CHRM5: variants seen among roughly 807,000 people sequenced by gnomAD.
The protein encoded by CHRM5 is muscarinic acetylcholine receptor M5.
A neutral mutation model predicts 39.0 loss-of-function variants in CHRM5; 18 were observed. That is an observed-to-expected ratio of 0.46 (90% CI 0.32 to 0.68). The LOEUF is 0.68. CHRM5 is among the 30% of genes least tolerant of loss of function. CHRM5 has a pLI of 0.04. For missense variants in CHRM5, 515 were observed against 651.1 expected (o/e 0.79, Z 2.28); for synonymous variants, 241 against 246.3 (o/e 0.98, Z 0.20).
chr15:34,005,056 A>G (rs956107145), intron 1 of CHRM5, among the ~76,000 whole-genome samples: 5 of 152,136 alleles, frequency 3.3e-5, no homozygotes, highest in African/African-American at 1.2e-4. Flanking sequence ...CAAAACTAAA[A>G]TATATAAAAA....
intron 1 of CHRM5, among the ~76,000 whole-genome samples, chr15:34,033,384 T>C (rs1898954239): frequency 6.6e-6 from 1 of 151,910 alleles, no homozygotes; most frequent in South Asian, 2.1e-4. Context: ...TGTGCACCTG[T>C]AGTCCCAGCT....
chr15:34,019,891 TG>T (rs1236282554), intron 1 of CHRM5, among the ~76,000 whole-genome samples: 4 of 152,232 alleles, frequency 2.6e-5, no homozygotes, highest in Admixed American at 6.5e-5. Context: ...GACTATTTAT[TG>T]TAGCAAAACT....
At position 34,063,982 on chromosome 15, in the gene CHRM5, C is replaced by T. The variant is rs1346655192; in HGVS notation, c.1265C>T (p.Pro422Leu). Residue 422 changes from proline (P) to leucine (L), a missense_variant, in exon 3 of 3, where the codon CCC (proline) becomes CTC (leucine). Pro to Leu is a moderately conservative substitution (Grantham distance 98). Coordinates refer to ENST00000383263, the MANE Select transcript of CHRM5 (RefSeq NM_012125.4). The surrounding 1 kb of genome is among the most constrained non-coding windows in gnomAD (Gnocchi z 4.1). Reference sequence around the variant, plus strand: ...TCAACGAAAGGCCTCAATCCCAACCCCAGCCATCAAATGACCAAACGAAAG... The same window carrying T: ...TCAACGAAAGGCCTCAATCCCAACCTCAGCCATCAAATGACCAAACGAAAG... ...EPSTKGLNPNPSHQMTKRKRV... is the reference protein window; with the variant it reads ...EPSTKGLNPNLSHQMTKRKRV... The T allele has an allele frequency of 6.2e-7, 1 of 1,614,060 alleles. No homozygotes were observed. The highest frequency in any genetic ancestry group is 1.3e-5 in the African/African-American group (1 of 74,940).
intron 1 of CHRM5, among the ~76,000 whole-genome samples, chr15:34,037,619 TTC>T (rs1689324855): frequency 6.6e-6 from 1 of 150,838 alleles, no homozygotes; most frequent in African/African-American, 2.4e-5. Context: ...TGGTCTTAGT[TTC>T]TGTCATTTAC....
intron 1 of CHRM5, among the ~76,000 whole-genome samples, chr15:34,046,034 G>C (rs2140814465): frequency 6.6e-6 from 1 of 152,274 alleles, no homozygotes. Context: ...AATGGGAACT[G>C]TTAAAGTTTG....
intron 1 of CHRM5, among the ~76,000 whole-genome samples, chr15:34,045,035 G>A (rs767670866): frequency 3.3e-5 from 5 of 152,180 alleles, no homozygotes; most frequent in South Asian, 2.1e-4. Flanking sequence ...GCGACAGAGC[G>A]AGACTCTGTC....
chr15:34,042,396 G>GTTT (rs35456951), intron 1 of CHRM5, among the ~76,000 whole-genome samples: 14 of 130,376 alleles, frequency 1.1e-4, no homozygotes, highest in South Asian at 2.4e-4. Flanking sequence ...CATGACCTAA[G>GTTT]TTTTTTTTTT....
At chr15:34,007,789 T>C (rs1172833202) in intron 1 of CHRM5, among the ~76,000 whole-genome samples, 2 of 152,178 alleles carry the variant, frequency 1.3e-5, no homozygotes, top group Non-Finnish European at 2.9e-5. Flanking sequence ...TGGGTATTGG[T>C]AGGGTTGGCT....
At chr15:33,994,087 AG>A (rs1896837999) in intron 1 of CHRM5, among the ~76,000 whole-genome samples, 1 of 152,248 alleles carries the variant, frequency 6.6e-6, no homozygotes, top group Non-Finnish European at 1.5e-5. Context: ...ACCATGGATC[AG>A]TACCGGTCTG....
intron 1 of CHRM5, among the ~76,000 whole-genome samples, chr15:33,981,027 C>G (rs1597304520): frequency 6.6e-6 from 1 of 152,142 alleles, no homozygotes; most frequent in East Asian, 1.9e-4. Context: ...AATGCTGTGA[C>G]TTGCTGAGGT....
At chr15:33,974,759 G>A (rs1213724372) in intron 1 of CHRM5, among the ~76,000 whole-genome samples, 1 of 152,184 alleles carries the variant, frequency 6.6e-6, no homozygotes, top group Non-Finnish European at 1.5e-5. Context: ...GATCACCTGA[G>A]GTCAGGGGTT....
intron 1 of CHRM5, among the ~76,000 whole-genome samples, chr15:34,034,284 T>C (rs1193894025): frequency 6.6e-6 from 1 of 151,912 alleles, no homozygotes; most frequent in African/African-American, 2.4e-5. Context: ...CTACAAAATA[T>C]AAAAATATTA....
At chr15:34,026,818 C>G (rs776137741) in intron 1 of CHRM5, among the ~76,000 whole-genome samples, 2 of 152,092 alleles carry the variant, frequency 1.3e-5, no homozygotes, top group African/African-American at 2.4e-5. Flanking sequence ...ACTTCCCCTG[C>G]GGTCTTTTGT....
chr15:34,046,398 T>C (rs1455199413), intron 1 of CHRM5, 142 bp from the exon 2 acceptor site: 1 of 150,610 alleles, frequency 6.6e-6, no homozygotes. Flanking sequence ...AGGCTAATTA[T>C]ATTAATTTCG....
rs150882343 is a variant in CHRM5, at chr15:33,969,667, T to C, written c.-408+517T>C. ...CATACTAAAGAAAAATAATCTCTAC[T>C]AAATCGAGGTATAACACTCTTGTAG... On this transcript the variant is annotated intron_variant, in intron 1 of 2. Transcript: ENST00000383263. 2.8e-4 allele frequency among the ~76,000 whole-genome samples: 43 copies of C among 152,198 alleles called. 1 individual carries two copies. In the East Asian group the frequency reaches 7.1e-3, roughly 25 times the overall value.
chr15:33,968,511 C>T lies in CHRM5; in HGVS notation c.-1047C>T, dbSNP rs145316966. Among the ~76,000 whole-genome samples the T allele has an allele frequency of 8.5e-5, 13 of 152,218 alleles. No homozygotes were observed. The East Asian group carries it at 2.5e-3, about 29-fold the overall frequency. ...ATCAGCTCTTCATTCATGCCAAGTACGCTCACCGTCCAGAGACATGATAAA... is the reference window on the plus strand; with the variant it reads ...ATCAGCTCTTCATTCATGCCAAGTATGCTCACCGTCCAGAGACATGATAAA... On this transcript the variant is annotated 5_prime_UTR_variant, in exon 1 of 3. In the 5' UTR this introduces an upstream ATG that the reference lacks. Transcript: ENST00000383263.
chr15:34,026,035 C>T (rs1013116392), intron 1 of CHRM5, among the ~76,000 whole-genome samples: 3 of 152,100 alleles, frequency 2.0e-5, no homozygotes, highest in Non-Finnish European at 4.4e-5. Context: ...TGATAATACA[C>T]AACAGTAAAA....
chr15:34,062,662 G>T lies in CHRM5; in HGVS notation c.-56G>T. On this transcript the variant is annotated 5_prime_UTR_variant, in exon 3 of 3. An upstream open reading frame in the 5' UTR loses its in-frame stop. Transcript: ENST00000383263. ...TTCCAGATGCTGGCCAAGAAGAGCT[G>T]AAATAGAAAACAGCCTAGAACCTAA... The T allele has an allele frequency of 6.6e-7, 1 of 1,524,346 alleles. No individual in the cohort carries two copies. Among genetic ancestry groups the T allele is most frequent in the Middle Eastern group, 1.8e-4 (1 of 5,658 alleles). The allele number at this position is 1,524,346 out of a possible 1,614,324, so 94.4% of individuals were successfully genotyped here.
intron 1 of CHRM5, among the ~76,000 whole-genome samples, 185 bp from the exon 2 acceptor site, chr15:34,046,355 A>AC (rs1899681002): frequency 6.6e-6 from 1 of 151,672 alleles, no homozygotes; most frequent in South Asian, 2.1e-4. Flanking sequence ...AAAAAAAAAA[A>AC]AACGGGAAAA....
Sources: gnomAD v4.1 joint callset for allele counts (sites outside exome capture counted in the v4.1 genomes callset) on GRCh38, gnomAD v4.1.1 for gene constraint, Gnocchi (gnomAD v3.1) non-coding constraint, MANE v1.5 for transcripts, NCBI Gene and HGNC (gene_info 2026-07-23, HGNC 2026-07-21) for gene names.